The following TSHZ2 variants were observed in gnomAD, a reference collection of about 807,000 sequenced individuals.
TSHZ2 encodes teashirt zinc finger homeobox 2.
A neutral mutation model predicts 74.4 loss-of-function variants in TSHZ2; 21 were observed. That is an observed-to-expected ratio of 0.28 (90% confidence interval 0.20 to 0.41). The LOEUF is 0.41. TSHZ2 is among the 10% of genes least tolerant of loss of function. TSHZ2 has a pLI of 1.00. For synonymous variants in TSHZ2, 540 were observed against 515.3 expected (o/e 1.05, Z -0.65); for missense variants, 1,244 against 1,293.5 (o/e 0.96, Z 0.59).
chr20:53,003,293 T>TGTGA lies in TSHZ2; in HGVS notation c.40+29961_40+29964dup, dbSNP rs1555813850. Among the ~76,000 whole-genome samples, 44 of 143,422 alleles carry TGTGA rather than the reference T, an allele frequency of 3.1e-4. No homozygotes were observed. The East Asian group carries it at 7.6e-3, about 25-fold the overall frequency. 94.1% of individuals were successfully genotyped at this position (143,422 alleles called of 152,430 possible). ...GTGTGTGTGTGTGTGTGTGTGTGTG[T>TGTGA]GTGAAATTTTTTCCTAAATATTAAG... On this transcript the variant is annotated intron_variant, in intron 1 of 2. Transcript: ENST00000371497.
chr20:53,405,486 A>T (rs1982817164), intron 2 of TSHZ2, among the ~76,000 whole-genome samples: 1 of 152,120 alleles, frequency 6.6e-6, no homozygotes, highest in Non-Finnish European at 1.5e-5. Context: ...AGATCAAATC[A>T]CTCATTCATT....
chr20:53,064,481 A>G (rs146815074), intron 1 of TSHZ2, among the ~76,000 whole-genome samples: 2 of 152,166 alleles, frequency 1.3e-5, no homozygotes, highest in East Asian at 3.9e-4. Flanking sequence ...CTATGCCATT[A>G]GAAGACAGAA....
At chr20:53,460,032 G>T (rs1384639611) in intron 2 of TSHZ2, among the ~76,000 whole-genome samples, 2 of 151,972 alleles carry the variant, frequency 1.3e-5, no homozygotes, top group Non-Finnish European at 2.9e-5. Flanking sequence ...ACAATTATGT[G>T]TCTTGGAGTT....
intron 1 of TSHZ2, among the ~76,000 whole-genome samples, chr20:53,121,812 G>A (rs183368998): frequency 6.2e-4 from 95 of 152,126 alleles, no homozygotes; most frequent in African/African-American, 2.2e-3. Flanking sequence ...GGGAAGTCGA[G>A]GTCATTAAAC....
chr20:53,380,596 C>T (rs1403337669), intron 2 of TSHZ2, among the ~76,000 whole-genome samples: 2 of 152,036 alleles, frequency 1.3e-5, no homozygotes, highest in African/African-American at 2.4e-5. Flanking sequence ...TTAATAAAAT[C>T]CAACAAAGAC....
chr20:53,000,129 A>G (rs913723025), intron 1 of TSHZ2, among the ~76,000 whole-genome samples: 2 of 152,200 alleles, frequency 1.3e-5, no homozygotes, highest in Non-Finnish European at 2.9e-5. Flanking sequence ...TATCAGATAT[A>G]TGTTTCAAGC....
Position 53,044,499 on chromosome 20 carries a change from T to C in TSHZ2, c.40+71166T>C, listed in dbSNP as rs544379719. Among the ~76,000 whole-genome samples the C allele has an allele frequency of 8.3e-4, 122 of 146,130 alleles. 1 individual carries two copies. In the South Asian group the frequency reaches 0.033, roughly 40 times the overall value. On this transcript the variant is annotated intron_variant, in intron 1 of 2. Coordinates refer to ENST00000371497, the MANE Select transcript of TSHZ2 (RefSeq NM_173485.6). Reference sequence around the variant, plus strand: ...TCCTTGTGACACCAGTAGCTCTCACTTAGCAAGACACTAGCTACGGCCATC... The same window carrying C: ...TCCTTGTGACACCAGTAGCTCTCACCTAGCAAGACACTAGCTACGGCCATC...
intron 2 of TSHZ2, among the ~76,000 whole-genome samples, chr20:53,451,205 G>GAAAT (rs1456431405): frequency 6.6e-6 from 1 of 152,148 alleles, no homozygotes; most frequent in African/African-American, 2.4e-5. Context: ...TCTGTAGGAC[G>GAAAT]AAATAATGTA....
intron 1 of TSHZ2, among the ~76,000 whole-genome samples, chr20:52,999,971 A>C (rs1245779518): frequency 6.6e-6 from 1 of 152,214 alleles, no homozygotes; most frequent in African/African-American, 2.4e-5. Flanking sequence ...AATGAAAACA[A>C]CAGCTAATAT....
intron 2 of TSHZ2, among the ~76,000 whole-genome samples, chr20:53,428,837 G>A (rs533861064): frequency 1.2e-4 from 19 of 152,218 alleles, no homozygotes; most frequent in East Asian, 1.9e-4. Flanking sequence ...GACAGGCATC[G>A]CAGGTCAGGG....
At chr20:53,351,577 G>A (rs1980647927) in intron 2 of TSHZ2, among the ~76,000 whole-genome samples, 1 of 152,154 alleles carries the variant, frequency 6.6e-6, no homozygotes, top group Non-Finnish European at 1.5e-5. Flanking sequence ...ATAAAATGTG[G>A]CAGGTGGAAT....
chr20:53,246,040 C>CTTTTTTTTTTT (rs57243805), intron 1 of TSHZ2, among the ~76,000 whole-genome samples: 17 of 130,628 alleles, frequency 1.3e-4, no homozygotes, highest in African/African-American at 3.1e-4. Flanking sequence ...TTCTTTCTTT[C>CTTTTTTTTTTT]TTTTTTTTTT....
At chr20:53,307,338 CTG>C (rs1978586288) in intron 2 of TSHZ2, among the ~76,000 whole-genome samples, 1 of 152,210 alleles carries the variant, frequency 6.6e-6, no homozygotes. Context: ...GACCCTCTCT[CTG>C]AGCTATAGAG....
chr20:53,104,361 A>G (rs1230737773), intron 1 of TSHZ2, among the ~76,000 whole-genome samples: 1 of 152,182 alleles, frequency 6.6e-6, no homozygotes, highest in Non-Finnish European at 1.5e-5. Flanking sequence ...CCACTGTTAG[A>G]GGCCATTTAG....
chr20:53,480,601 G>T (rs1167798821), intron 2 of TSHZ2, among the ~76,000 whole-genome samples: 2 of 151,918 alleles, frequency 1.3e-5, no homozygotes, highest in Non-Finnish European at 2.9e-5. Context: ...TAAAAAATGG[G>T]TGCAGGATGA....
intron 2 of TSHZ2, among the ~76,000 whole-genome samples, chr20:53,277,103 G>A (rs1990963849): frequency 6.6e-6 from 1 of 152,130 alleles, no homozygotes; most frequent in Admixed American, 6.5e-5. Context: ...TAAAGAGGTG[G>A]ACAACCTCAG....
chr20:53,451,364 A>G (rs990298341), intron 2 of TSHZ2, among the ~76,000 whole-genome samples: 1 of 152,238 alleles, frequency 6.6e-6, no homozygotes, highest in African/African-American at 2.4e-5. Flanking sequence ...GAGACACAAT[A>G]TGCTGGACTA....
chr20:53,199,596 A>C (rs1335748939), intron 1 of TSHZ2, among the ~76,000 whole-genome samples: 1 of 152,200 alleles, frequency 6.6e-6, no homozygotes, highest in Non-Finnish European at 1.5e-5. Flanking sequence ...ACATCCCAAC[A>C]CATCAAGTCT....
Position 53,122,183 on chromosome 20 carries a change from G to A in TSHZ2, c.41-131316G>A, listed in dbSNP as rs551125429. ...TGCACCTGTGGTCCCAGCCACTTAGGAGGCTAAGGTGGGAGGGTCGATTGA... is the reference window on the plus strand; with the variant it reads ...TGCACCTGTGGTCCCAGCCACTTAGAAGGCTAAGGTGGGAGGGTCGATTGA... On this transcript the variant is annotated intron_variant, in intron 1 of 2. Transcript: ENST00000371497. Among the ~76,000 whole-genome samples, 6 of 151,640 alleles carry A rather than the reference G, an allele frequency of 4.0e-5. No individual in the cohort carries two copies. In the South Asian group the frequency reaches 6.3e-4, roughly 16 times the overall value.
Sources: gnomAD v4.1 joint callset for allele counts (sites outside exome capture counted in the v4.1 genomes callset) on GRCh38, gnomAD v4.1.1 for gene constraint, MANE v1.5 for transcripts, NCBI Gene and HGNC (gene_info 2026-07-23, HGNC 2026-07-21) for gene names.